MTDH: variants seen among roughly 807,000 people sequenced by gnomAD.
MTDH encodes protein LYRIC.
A neutral mutation model predicts 72.7 loss-of-function variants in MTDH; 34 were observed. That is an observed-to-expected ratio of 0.47 (90% confidence interval 0.36 to 0.62). The LOEUF (loss-of-function observed/expected upper bound fraction) is 0.62, where lower values mean the gene tolerates loss of function less well. MTDH is among the 20% of genes least tolerant of loss of function. MTDH has a pLI of 0.00. For synonymous variants in MTDH, 266 were observed against 268.9 expected (o/e 0.99, Z 0.10); for missense variants, 677 against 699.4 (o/e 0.97, Z 0.36).
chr8:97,656,524 A>T (rs1364122749), intron 1 of MTDH, among the ~76,000 whole-genome samples: 3 of 151,268 alleles, frequency 2.0e-5, no homozygotes, highest in Non-Finnish European at 3.0e-5. Flanking sequence ...GATGGTCTCG[A>T]TCTCTTGACC....
chr8:97,684,368 G>A (rs1813274754), intron 2 of MTDH, among the ~76,000 whole-genome samples: 3 of 151,944 alleles, frequency 2.0e-5, no homozygotes, highest in Non-Finnish European at 1.5e-5. Context: ...ATATATATGT[G>A]GTTTGCATTA....
Position 97,691,021 on chromosome 8 carries a change from C to A in MTDH, c.881C>A (p.Ser294Tyr). ...GGWNEKSVKLSSQISAGEEKW... is the reference protein window; with the variant it reads ...GGWNEKSVKLYSQISAGEEKW... ...TGGAATGAAAAGTCTGTAAAACTCT[C>A]CTCACAGATCAGTGCAGGTGAGGAG... Residue 294 changes from serine to tyrosine, a missense_variant, in exon 6 of 12, where the codon TCC becomes TAC. By Grantham distance (144) the Ser-to-Tyr change is moderately radical (BLOSUM62 -2). Transcript: ENST00000336273. The A allele has an allele frequency of 3.7e-6, 6 of 1,614,136 alleles. No homozygotes were observed. The highest frequency in any genetic ancestry group is 5.1e-6 in the Non-Finnish European group (6 of 1,180,010).
At chr8:97,683,561 A>AT (rs879469023) in intron 2 of MTDH, among the ~76,000 whole-genome samples, 537 of 143,348 alleles carry the variant, frequency 3.7e-3, no homozygotes, top group Admixed American at 7.6e-3. Context: ...ACCCCCACTG[A>AT]TTTTTTTTTT....
At chr8:97,680,530 C>T (rs1035400022) in intron 2 of MTDH, among the ~76,000 whole-genome samples, 2 of 152,100 alleles carry the variant, frequency 1.3e-5, no homozygotes, top group African/African-American at 2.4e-5. Context: ...TGCACACATG[C>T]CTATACATGT....
intron 6 of MTDH, among the ~76,000 whole-genome samples, chr8:97,694,248 A>T (rs2131017749): frequency 6.6e-6 from 1 of 150,418 alleles, no homozygotes; most frequent in East Asian, 2.0e-4. Context: ...CCTAGGCTGG[A>T]GTGCAATGGC....
intron 2 of MTDH, among the ~76,000 whole-genome samples, chr8:97,666,009 T>C (rs1192938940): frequency 6.6e-6 from 1 of 151,484 alleles, no homozygotes; most frequent in Non-Finnish European, 1.5e-5. Context: ...GCGCCTGTAG[T>C]CCCAGATACT....
intron 2 of MTDH, among the ~76,000 whole-genome samples, chr8:97,683,769 C>T (rs749524159): frequency 3.3e-5 from 5 of 152,136 alleles, no homozygotes; most frequent in Non-Finnish European, 7.4e-5. Flanking sequence ...TGGACCTGCA[C>T]TGTCCAGTAT....
intron 1 of MTDH, among the ~76,000 whole-genome samples, chr8:97,650,630 T>C (rs1333510794): frequency 6.6e-6 from 1 of 152,214 alleles, no homozygotes; most frequent in Non-Finnish European, 1.5e-5. Flanking sequence ...CTGCTTCAAC[T>C]GTAAAGCCTT....
At chr8:97,697,205 CACTA>C (rs1288779725) in intron 6 of MTDH, among the ~76,000 whole-genome samples, 1 of 139,736 alleles carries the variant, frequency 7.2e-6, no homozygotes, top group Non-Finnish European at 1.5e-5. Flanking sequence ...CGTCTGGAAT[CACTA>C]ACCTAGAAAG....
At chr8:97,657,129 AC>A (rs1812009727) in intron 1 of MTDH, among the ~76,000 whole-genome samples, 1 of 152,138 alleles carries the variant, frequency 6.6e-6, no homozygotes, top group African/African-American at 2.4e-5. Flanking sequence ...GCACATACAT[AC>A]AAAGTGTTCC....
At chr8:97,661,682 C>A (rs139030396) in intron 2 of MTDH, among the ~76,000 whole-genome samples, 1 of 152,110 alleles carries the variant, frequency 6.6e-6, no homozygotes, top group African/African-American at 2.4e-5. Flanking sequence ...ATGGCTCATG[C>A]CTGTAATCCT....
intron 1 of MTDH, among the ~76,000 whole-genome samples, chr8:97,648,987 C>T (rs1741590694): frequency 6.6e-6 from 1 of 152,114 alleles, no homozygotes; most frequent in African/African-American, 2.4e-5. Flanking sequence ...TGAAGCACTG[C>T]CTATATAATG....
rs370173092 is a variant in MTDH at position 97,644,643 on chromosome 8, G to C, written c.137G>C (p.Arg46Pro). The stretch of plus-strand genomic sequence containing the variant: ...CTCGACCTGGGGCTGGAGCCGAAAC[G>C]GTACCCCGGCTGGGTGATCCTGGTG... ...LGLDLGLEPK[R>P]YPGWVILVGT... The change falls in exon 1 of 12, where the codon CGG (arginine) becomes CCG (proline). Residue 46 changes from arginine to proline, a missense_variant. Around this residue, in one of 3 missense-constraint regions of MTDH, gnomAD observed 467 missense variants for 469.1 expected, o/e 1.00. Transcript: ENST00000336273. The C allele has an allele frequency of 1.2e-6, 2 of 1,609,946 alleles. No individual in the cohort carries two copies. The highest frequency in any genetic ancestry group is 1.7e-6 in the Non-Finnish European group (2 of 1,179,126).
chr8:97,668,353 C>T (rs1212596047), intron 2 of MTDH, among the ~76,000 whole-genome samples: 1 of 151,878 alleles, frequency 6.6e-6, no homozygotes, highest in Non-Finnish European at 1.5e-5. Context: ...TCCAGTGGAC[C>T]AGTGCTTGCA....
chr8:97,720,478 G>A (rs899937988), intron 10 of MTDH, among the ~76,000 whole-genome samples: 1 of 149,908 alleles, frequency 6.7e-6, no homozygotes, highest in Non-Finnish European at 1.5e-5. Context: ...TCGGGAGACT[G>A]AGTGGGAAGA....
chr8:97,667,831 TAAA>T (rs542822923), intron 2 of MTDH, among the ~76,000 whole-genome samples: 11 of 116,298 alleles, frequency 9.5e-5, no homozygotes, highest in East Asian at 2.4e-4. Context: ...GTCTCTATAT[TAAA>T]AAAAAAAAAA....
chr8:97,691,754 G>A (rs1054959836), intron 6 of MTDH, among the ~76,000 whole-genome samples: 1 of 151,974 alleles, frequency 6.6e-6, no homozygotes, highest in Non-Finnish European at 1.5e-5. Flanking sequence ...TTACATGTGG[G>A]CAATTGCAAA....
intron 8 of MTDH, among the ~76,000 whole-genome samples, chr8:97,711,252 CT>C (rs1688746795): frequency 6.6e-6 from 1 of 151,258 alleles, no homozygotes; most frequent in Non-Finnish European, 1.5e-5. Flanking sequence ...AATCCCAGCA[CT>C]TTGGGAGACT....
chr8:97,644,898 G>C lies in MTDH; in HGVS notation c.381+11G>C. 6.5e-7 allele frequency: 1 copy of C among 1,533,276 alleles called. No individual in the cohort carries two copies. The highest frequency in any genetic ancestry group is 8.7e-7 in the Non-Finnish European group (1 of 1,152,766). The allele number at this position is 1,533,276 out of a possible 1,614,324, so 95.0% of individuals were successfully genotyped here. ...TCCGAGAAGCCCAAAGTGAGTATGG[G>C]ATGAGCGGCAGTAGAGAACGGGCGA... On this transcript the variant is annotated intron_variant, in intron 1 of 11. Coordinates refer to ENST00000336273, the MANE Select transcript of MTDH (RefSeq NM_178812.4).
Sources: gnomAD v4.1 joint callset for allele counts (sites outside exome capture counted in the v4.1 genomes callset) on GRCh38, gnomAD v4.1.1 for gene constraint, gnomAD v4.1.1 regional missense constraint, MANE v1.5 for transcripts, NCBI Gene and HGNC (gene_info 2026-07-23, HGNC 2026-07-21) for gene names.